The following CDH12 variants were observed in gnomAD, a reference collection of about 807,000 sequenced individuals.
The protein encoded by CDH12 is cadherin-12.
A neutral mutation model predicts 74.1 loss-of-function variants in CDH12; 41 were observed. The ratio of observed to expected loss-of-function variants is 0.55; its 90% CI spans 0.43 to 0.72. CDH12 has a LOEUF of 0.72. CDH12 is among the 30% of genes least tolerant of loss of function. The pLI, the probability that CDH12 is intolerant of heterozygous loss-of-function variation, is 0.00. For missense variants in CDH12, 945 were observed against 977.2 expected (o/e 0.97, Z 0.44); for synonymous variants, 399 against 355.0 (o/e 1.12, Z -1.39).
intron 5 of CDH12, among the ~76,000 whole-genome samples, chr5:22,066,033 T>G (rs1375309623): frequency 6.6e-6 from 1 of 152,114 alleles, no homozygotes; most frequent in Non-Finnish European, 1.5e-5. Flanking sequence ...TCCTTGCCCC[T>G]CAATCAGTTT....
chr5:22,777,205 T>C (rs917958147), intron 1 of CDH12, among the ~76,000 whole-genome samples: 2 of 152,166 alleles, frequency 1.3e-5, no homozygotes, highest in African/African-American at 4.8e-5. Context: ...TTCCAAAGAA[T>C]GATTCCCTTC....
chr5:22,705,128 T>TAC (rs1467369851), intron 1 of CDH12, among the ~76,000 whole-genome samples: 36 of 86,460 alleles, frequency 4.2e-4, no homozygotes, highest in African/African-American at 1.4e-3. Flanking sequence ...TATATATATA[T>TAC]ATACACACAC....
At chr5:21,826,258 T>G (rs1031706480) in intron 8 of CDH12, among the ~76,000 whole-genome samples, 1 of 152,184 alleles carries the variant, frequency 6.6e-6, no homozygotes, top group Non-Finnish European at 1.5e-5. Flanking sequence ...CCAAGGTGTC[T>G]CAGTTTTGAC....
intron 1 of CDH12, among the ~76,000 whole-genome samples, chr5:22,705,729 A>G (rs1197848019): frequency 6.6e-6 from 1 of 152,050 alleles, no homozygotes; most frequent in East Asian, 1.9e-4. Context: ...TTTCCTTTTA[A>G]TATACACTGA....
In CDH12 at chr5:22,805,735, T is replaced by C. The variant is rs1436758588; in HGVS notation, c.-523+47323A>G. Among the ~76,000 whole-genome samples, 8 of 152,248 alleles carry C rather than the reference T, an allele frequency of 5.3e-5. No homozygotes were observed. In the South Asian group the frequency reaches 6.2e-4, roughly 12 times the overall value. ...CAGGTTTGTTACATAGGTATGCACG[T>C]GCCATGGTAGTTTGCTGCAACCATC... On this transcript the variant is annotated intron_variant, in intron 1 of 14. Coordinates refer to ENST00000382254, the MANE Select transcript of CDH12 (RefSeq NM_004061.5).
chr5:22,432,021 C>A (rs1411096824), intron 2 of CDH12, among the ~76,000 whole-genome samples: 1 of 152,074 alleles, frequency 6.6e-6, no homozygotes, highest in African/African-American at 2.4e-5. Flanking sequence ...AATTCACTCA[C>A]CCTAGGCGTT....
intron 1 of CDH12, among the ~76,000 whole-genome samples, chr5:22,703,355 T>C (rs901824561): frequency 2.6e-5 from 4 of 152,204 alleles, no homozygotes; most frequent in African/African-American, 4.8e-5. Flanking sequence ...TACTTGAATT[T>C]TCTTTTCTCT....
intron 1 of CDH12, among the ~76,000 whole-genome samples, chr5:22,781,017 A>G (rs1473278934): frequency 6.6e-6 from 1 of 152,146 alleles, no homozygotes; most frequent in African/African-American, 2.4e-5. Context: ...CTTCACTATA[A>G]ATGTGACACA....
intron 2 of CDH12, among the ~76,000 whole-genome samples, chr5:22,450,896 T>C (rs79028616): frequency 1.3e-4 from 15 of 116,350 alleles, no homozygotes; most frequent in Non-Finnish European, 2.6e-4. Flanking sequence ...TTTTTTTTTT[T>C]CCTAAGGAGC....
chr5:22,089,219 C>A (rs1053069079), intron 4 of CDH12, among the ~76,000 whole-genome samples: 1 of 152,086 alleles, frequency 6.6e-6, no homozygotes, highest in African/African-American at 2.4e-5. Context: ...GATAAATGAC[C>A]AAGCAAATAA....
chr5:22,181,051 C>A (rs956063670), intron 4 of CDH12, among the ~76,000 whole-genome samples: 1 of 152,088 alleles, frequency 6.6e-6, no homozygotes, highest in Non-Finnish European at 1.5e-5. Context: ...GACACACAGA[C>A]CCTCTGTTGG....
intron 6 of CDH12, among the ~76,000 whole-genome samples, chr5:21,880,615 C>CCTTCCTTCCTTCCTT (rs1561268384): frequency 2.4e-5 from 2 of 84,658 alleles, no homozygotes; most frequent in African/African-American, 9.4e-5. Flanking sequence ...TTCCTTCCTT[C>CCTTCCTTCCTTCCTT]CTTCTTTCTT....
intron 4 of CDH12, among the ~76,000 whole-genome samples, chr5:22,092,996 C>T (rs1561101652): frequency 6.6e-6 from 1 of 152,144 alleles, no homozygotes; most frequent in African/African-American, 2.4e-5. Flanking sequence ...GGTGTTTGCA[C>T]AGCCTCACAT....
intron 3 of CDH12, among the ~76,000 whole-genome samples, chr5:22,335,413 G>A (rs558371879): frequency 1.1e-4 from 17 of 152,082 alleles, no homozygotes; most frequent in East Asian, 9.7e-4. Context: ...GTGAAACACC[G>A]TCTCTACTAA....
chr5:22,374,411 G>A (rs1446080846), intron 3 of CDH12, among the ~76,000 whole-genome samples: 1 of 152,056 alleles, frequency 6.6e-6, no homozygotes, highest in African/African-American at 2.4e-5. Flanking sequence ...AGATAAAGTT[G>A]TCCACTTTTA....
intron 1 of CDH12, among the ~76,000 whole-genome samples, chr5:22,665,378 G>A (rs1471070675): frequency 3.9e-5 from 6 of 152,114 alleles, no homozygotes; most frequent in African/African-American, 7.2e-5. Flanking sequence ...CTTAAGGGGA[G>A]CAAAAACTGG....
chr5:21,965,356 A>G (rs1756534046), intron 6 of CDH12, among the ~76,000 whole-genome samples: 1 of 152,070 alleles, frequency 6.6e-6, no homozygotes, highest in African/African-American at 2.4e-5. Flanking sequence ...TCCGGCTGCC[A>G]CCAATTGCTT....
chr5:21,800,567 A>G (rs1173209661), intron 10 of CDH12, among the ~76,000 whole-genome samples: 1 of 152,158 alleles, frequency 6.6e-6, no homozygotes, highest in Non-Finnish European at 1.5e-5. Flanking sequence ...ACCTGCTGAA[A>G]AGAAAGCCGG....
intron 3 of CDH12, among the ~76,000 whole-genome samples, chr5:22,368,466 ATTTT>A (rs11445293): frequency 2.2e-5 from 3 of 135,316 alleles, no homozygotes; most frequent in Non-Finnish European, 1.6e-5. Context: ...AGTCTGGCTA[ATTTT>A]TTTTTTTTTT....
Sources: allele counts gnomAD v4.1 joint callset (sites outside exome capture counted in the v4.1 genomes callset), GRCh38; gene constraint gnomAD v4.1.1; transcripts MANE v1.5; gene names NCBI Gene and HGNC (gene_info 2026-07-23, HGNC 2026-07-21).